NAALADL2: variants seen among roughly 807,000 people sequenced by gnomAD.
NAALADL2 encodes the protein inactive N-acetylated-alpha-linked acidic dipeptidase-like protein 2.
A neutral mutation model predicts 87.2 loss-of-function variants in NAALADL2; 76 were observed. The ratio of observed to expected loss-of-function variants is 0.87; its 90% confidence interval spans 0.72 to 1.05. The LOEUF (loss-of-function observed/expected upper bound fraction) is 1.05, where lower values mean the gene tolerates loss of function less well. NAALADL2 is among the 50% of genes least tolerant of loss of function. The pLI, the probability that NAALADL2 is intolerant of heterozygous loss-of-function variation, is 0.00. For missense variants in NAALADL2, 1,089 were observed against 945.8 expected (o/e 1.15, Z -1.99); for synonymous variants, 354 against 331.0 (o/e 1.07, Z -0.75).
In NAALADL2 at chr3:175,545,712, A is replaced by T. The variant is rs115243422; in HGVS notation, c.1654-30329A>T. ...ATATTCCAGGGCTTGTTAGCTTAAT[A>T]AAAGTTGAACCAAACTGTTAAATGC... On this transcript the variant is annotated intron_variant, in intron 9 of 13. Transcript: ENST00000454872. Among the ~76,000 whole-genome samples the T allele has an allele frequency of 2.9e-3, 439 of 152,276 alleles. 3 individuals are homozygous for T. Among genetic ancestry groups the T allele is most frequent in the African/African-American group, 0.01 (425 of 41,572 alleles).
intron 2 of NAALADL2, among the ~76,000 whole-genome samples, chr3:175,162,960 T>C (rs985386948): frequency 6.6e-6 from 1 of 152,122 alleles, no homozygotes; most frequent in African/African-American, 2.4e-5. Context: ...GAAAAAAGCC[T>C]AGGTGAAGTT....
intron 11 of NAALADL2, among the ~76,000 whole-genome samples, chr3:175,653,516 A>G (rs79454942): frequency 0.029 from 4,392 of 152,090 alleles, 133 homozygotes; most frequent in African/African-American, 0.068. Context: ...TGTGATGTCT[A>G]TGAGTTTTTG....
intron 1 of NAALADL2, among the ~76,000 whole-genome samples, chr3:174,911,435 A>G (rs1196270869): frequency 1.3e-5 from 2 of 152,134 alleles, no homozygotes; most frequent in Non-Finnish European, 2.9e-5. Flanking sequence ...AAGCAATGGC[A>G]CTCGACATTG....
chr3:175,550,690 T>C (rs1287158492), intron 9 of NAALADL2, among the ~76,000 whole-genome samples: 1 of 152,146 alleles, frequency 6.6e-6, no homozygotes, highest in Non-Finnish European at 1.5e-5. Flanking sequence ...AATAACATAT[T>C]TGAAATAAAC....
At chr3:174,553,367 TG>T (rs1197055603) in intron 2 of NAALADL2, among the ~76,000 whole-genome samples, 2 of 152,190 alleles carry the variant, frequency 1.3e-5, no homozygotes, top group African/African-American at 2.4e-5. Flanking sequence ...GGAAGAAAAC[TG>T]GAAGTGACCA....
In NAALADL2 at chr3:175,470,937, G is replaced by A. The variant is rs1280159116; in HGVS notation, c.1534-702G>A. Among the ~76,000 whole-genome samples, 4 of 151,980 alleles carry A rather than the reference G, an allele frequency of 2.6e-5. No individual in the cohort carries two copies. In the East Asian group the frequency reaches 7.7e-4, roughly 29 times the overall value. On this transcript the variant is annotated intron_variant, in intron 8 of 13. Transcript: ENST00000454872. Reference sequence around the variant, plus strand: ...CTCATTGCTTCAAAAGTAAAGGGCTGGTTTTATTCATCACTGAAGTGGTTT... The same window carrying A: ...CTCATTGCTTCAAAAGTAAAGGGCTAGTTTTATTCATCACTGAAGTGGTTT...
intron 5 of NAALADL2, among the ~76,000 whole-genome samples, chr3:175,383,826 G>A (rs1159427492): frequency 2.6e-5 from 4 of 152,028 alleles, no homozygotes; most frequent in African/African-American, 7.2e-5. Context: ...AGTTTACTAT[G>A]TGTTTATATG....
chr3:175,203,944 T>C (rs1740444037), intron 2 of NAALADL2, among the ~76,000 whole-genome samples: 1 of 152,170 alleles, frequency 6.6e-6, no homozygotes, highest in African/African-American at 2.4e-5. Flanking sequence ...GAGATTGAAA[T>C]GGTAATTTAA....
intron 2 of NAALADL2, among the ~76,000 whole-genome samples, chr3:174,574,946 C>A (rs1001866751): frequency 6.6e-6 from 1 of 151,906 alleles, no homozygotes; most frequent in South Asian, 2.1e-4. Context: ...TTTCCAGTTT[C>A]GGGCTGTTAT....
At chr3:175,774,049 T>C (rs1749878618) in intron 13 of NAALADL2, among the ~76,000 whole-genome samples, 2 of 152,120 alleles carry the variant, frequency 1.3e-5, no homozygotes, top group African/African-American at 2.4e-5. Context: ...TTCCTATTTA[T>C]TGATGATGTA....
chr3:175,266,128 T>C (rs920398995), intron 4 of NAALADL2, among the ~76,000 whole-genome samples: 20 of 150,826 alleles, frequency 1.3e-4, no homozygotes, highest in Non-Finnish European at 2.7e-4. Context: ...AATTTTATTT[T>C]GTATATTTTC....
At chr3:175,733,808 A>T (rs1456397251) in intron 11 of NAALADL2, among the ~76,000 whole-genome samples, 1 of 152,226 alleles carries the variant, frequency 6.6e-6, no homozygotes. Context: ...AATGGGAGAA[A>T]TTGACCAAAA....
intron 11 of NAALADL2, among the ~76,000 whole-genome samples, chr3:175,714,688 A>C (rs1386739446): frequency 5.3e-5 from 8 of 151,976 alleles, no homozygotes; most frequent in African/African-American, 1.9e-4. Flanking sequence ...TTGCCTGTTC[A>C]CTCTGATGAT....
At chr3:174,581,223 A>C (rs920536226) in intron 2 of NAALADL2, among the ~76,000 whole-genome samples, 1 of 152,212 alleles carries the variant, frequency 6.6e-6, no homozygotes, top group Non-Finnish European at 1.5e-5. Flanking sequence ...AATTGGAAAC[A>C]ATATATTCTC....
At chr3:175,731,455 T>A (rs914457890) in intron 11 of NAALADL2, among the ~76,000 whole-genome samples, 5 of 152,186 alleles carry the variant, frequency 3.3e-5, no homozygotes, top group Non-Finnish European at 5.9e-5. Context: ...TCTACCTGTC[T>A]CTTAGGGTTG....
chr3:174,781,775 G>A (rs1336972201), intron 3 of NAALADL2, among the ~76,000 whole-genome samples: 2 of 152,020 alleles, frequency 1.3e-5, no homozygotes, highest in Non-Finnish European at 2.9e-5. Flanking sequence ...TGACAGTCAT[G>A]ATTTTGTAGA....
chr3:175,708,212 A>G (rs1395353214), intron 11 of NAALADL2, among the ~76,000 whole-genome samples: 2 of 152,140 alleles, frequency 1.3e-5, no homozygotes, highest in Admixed American at 6.6e-5. Context: ...TCATAAGTCT[A>G]GAAGTGATCT....
intron 12 of NAALADL2, among the ~76,000 whole-genome samples, chr3:175,750,420 CT>C (rs1055502817): frequency 4.6e-5 from 7 of 152,144 alleles, no homozygotes; most frequent in African/African-American, 1.7e-4. Context: ...GCCTCCACCC[CT>C]CCCTCCTTCC....
chr3:174,588,742 C>T (rs1026223524), intron 2 of NAALADL2, among the ~76,000 whole-genome samples: 6 of 152,156 alleles, frequency 3.9e-5, no homozygotes, highest in African/African-American at 4.8e-5. Flanking sequence ...CTGGAAGCTT[C>T]GTCTCAGAGG....
Sources: allele counts gnomAD v4.1 joint callset (sites outside exome capture counted in the v4.1 genomes callset), GRCh38; gene constraint gnomAD v4.1.1; transcripts MANE v1.5; gene names NCBI Gene and HGNC (gene_info 2026-07-23, HGNC 2026-07-21).